Variants in DEPDC5 observed in about 807,000 individuals in gnomAD.
DEPDC5 encodes GATOR1 complex protein DEPDC5.
In DEPDC5, 73 loss-of-function variants were observed where a neutral mutation model predicts 217.3. The observed-to-expected ratio is 0.34, with a 90% confidence interval of 0.28 to 0.41. The LOEUF (loss-of-function observed/expected upper bound fraction) is 0.41. DEPDC5 is among the 10% of genes least tolerant of loss of function. The pLI, the probability that DEPDC5 is intolerant of heterozygous loss-of-function variation, is 1.00. For missense variants in DEPDC5, 1,675 were observed against 2,070.1 expected, an observed-to-expected ratio of 0.81 and a Z score of 3.70; for synonymous variants, 733 against 756.7, an observed-to-expected ratio of 0.97 and a Z score of 0.51.
intron 14 of DEPDC5, among the ~76,000 whole-genome samples, chr22:31,799,826 T>TTTTTG (rs2086675990): frequency 7.1e-6 from 1 of 140,738 alleles, no homozygotes; most frequent in East Asian, 2.1e-4. Flanking sequence ...TTTTTTTTTT[T>TTTTTG]GAGACAGAGT....
intron 10 of DEPDC5, among the ~76,000 whole-genome samples, chr22:31,785,473 A>G (rs902543899): frequency 7.9e-5 from 12 of 152,228 alleles, no homozygotes; most frequent in Admixed American, 6.5e-5. Flanking sequence ...TGAAGACCTA[A>G]GTAAATAGTA....
Position 31,843,641 on chromosome 22 carries a change from G to T in DEPDC5, c.2634-4G>T. 1 of 1,590,306 alleles carries T rather than the reference G, an allele frequency of 6.3e-7. No homozygotes were observed. On this transcript the variant is annotated splice_polypyrimidine_tract_variant and splice_region_variant and intron_variant, in intron 28 of 42. Coordinates refer to ENST00000651528, the MANE Select transcript of DEPDC5 (RefSeq NM_001242896.3). ...AATTTGGGGACCTGCCCTTTATTTT[G>T]CAGGTATCCTTATGAATCTGCCCAG... is the stretch of plus-strand genomic sequence containing the variant.
chr22:31,784,732 A>G (rs2084808136), intron 9 of DEPDC5, 82 bp from the exon 10 acceptor site: 2 of 1,349,820 alleles, frequency 1.5e-6, no homozygotes, highest in Admixed American at 3.7e-5. Flanking sequence ...ATTTACTTAG[A>G]GAAGAAATTA....
At position 31,777,180 on chromosome 22, in the gene DEPDC5, G is replaced by A. The variant is rs186720481; in HGVS notation, c.414-919G>A. 1.1e-4 allele frequency among the ~76,000 whole-genome samples: 16 copies of A among 150,646 alleles called. No individual in the cohort carries two copies. In the East Asian group the frequency reaches 3.2e-3, roughly 30 times the overall value. ...TCGCTGTGTTGGCCAGGGTGGTCTCGAACTCCTGACCTCAGGTGATTCACC... is the reference window on the plus strand; with the variant it reads ...TCGCTGTGTTGGCCAGGGTGGTCTCAAACTCCTGACCTCAGGTGATTCACC... On this transcript the variant is annotated intron_variant, in intron 7 of 42. Coordinates refer to ENST00000651528, the MANE Select transcript of DEPDC5 (RefSeq NM_001242896.3).
At chr22:31,901,154 A>G (rs1195781973) in intron 40 of DEPDC5, among the ~76,000 whole-genome samples, 1 of 151,978 alleles carries the variant, frequency 6.6e-6, no homozygotes, top group Non-Finnish European at 1.5e-5. Context: ...GAGGCATGAG[A>G]ATCACTTGAA....
chr22:31,897,796 A>C, intron 40 of DEPDC5, 143 bp downstream of exon 40: 1 of 960,438 alleles, frequency 1.0e-6, no homozygotes, highest in Non-Finnish European at 1.5e-6. Flanking sequence ...AAGGTTCTAA[A>C]GGATCCTGAT....
intron 27 of DEPDC5, among the ~76,000 whole-genome samples, chr22:31,840,058 G>A (rs1397628658): frequency 1.3e-5 from 2 of 152,274 alleles, no homozygotes; most frequent in African/African-American, 4.8e-5. Flanking sequence ...GCCTGGCTGG[G>A]GAGAGGATTT....
chr22:31,827,251 C>T (rs1173561347), intron 24 of DEPDC5, among the ~76,000 whole-genome samples: 1 of 152,136 alleles, frequency 6.6e-6, no homozygotes, highest in Non-Finnish European at 1.5e-5. Flanking sequence ...CACATGGGAA[C>T]TGAACTCCCA....
At chr22:31,795,970 T>TC (rs1569523308) in intron 12 of DEPDC5, among the ~76,000 whole-genome samples, 1 of 151,920 alleles carries the variant, frequency 6.6e-6, no homozygotes, top group Admixed American at 6.6e-5. Flanking sequence ...CCTCAGGTGA[T>TC]CCCCCCACCT....
At chr22:31,775,012 AT>A (rs200717879) in intron 7 of DEPDC5, among the ~76,000 whole-genome samples, 2,086 of 152,264 alleles carry the variant, frequency 0.014, 14 homozygotes, top group Middle Eastern at 0.031. Flanking sequence ...GCAAAGGAGT[AT>A]GAAAAAGCAT....
At chr22:31,839,256 T>C (rs1282277848) in intron 27 of DEPDC5, among the ~76,000 whole-genome samples, 1 of 152,224 alleles carries the variant, frequency 6.6e-6, no homozygotes, top group African/African-American at 2.4e-5. Context: ...TTTCTTATTC[T>C]GGATTCATCT....
chr22:31,822,751 G>A lies in DEPDC5; in HGVS notation c.2065G>A (p.Glu689Lys), dbSNP rs1206042952. ...GTCCTTCTTGAACTTCAGTGGAACA[G>A]AGGAGCTTTCTGTCGGCCTGCTTAG... is the stretch of plus-strand genomic sequence containing the variant. ...GMSFLNFSGT[E>K]ELSVGLLSNS... Residue 689 changes from glutamate (E) to lysine (K), a missense_variant, in exon 24 of 43, where the codon GAG (glutamate) becomes AAG (lysine). Glu to Lys is a moderately conservative substitution (Grantham distance 56). Around this residue, in one of 11 missense-constraint regions of DEPDC5, gnomAD observed 136 missense variants for 132.2 expected, o/e 1.03. Coordinates refer to ENST00000651528, the MANE Select transcript of DEPDC5 (RefSeq NM_001242896.3). 1 of 1,614,150 alleles carries A rather than the reference G, an allele frequency of 6.2e-7. No homozygotes were observed. The highest frequency in any genetic ancestry group is 8.5e-7 in the Non-Finnish European group (1 of 1,180,004).
Position 31,792,783 on chromosome 22 carries a change from G to A in DEPDC5, c.733G>A (p.Asp245Asn). The A allele has an allele frequency of 6.5e-7, 1 of 1,549,154 alleles. No individual in the cohort carries two copies. The highest frequency in any genetic ancestry group is 8.6e-7 in the Non-Finnish European group (1 of 1,157,824). ...AATAAACCGAGCCTCAATTCGACAGGATCACAAGGGGAGATTCTATGAAGA... is the reference window on the plus strand; with the variant it reads ...AATAAACCGAGCCTCAATTCGACAGAATCACAAGGGGAGATTCTATGAAGA... ...PEINRASIRQDHKGRFYEDFY... is the reference protein window; with the variant it reads ...PEINRASIRQNHKGRFYEDFY... The change falls in exon 12 of 43, where the codon GAT becomes AAT. Residue 245 changes from aspartate to asparagine, a missense_variant. Transcript: ENST00000651528.
At chr22:31,853,865 A>C (rs1480578850) in intron 31 of DEPDC5, among the ~76,000 whole-genome samples, 2 of 152,218 alleles carry the variant, frequency 1.3e-5, no homozygotes, top group Non-Finnish European at 2.9e-5. Flanking sequence ...GTTCTGTCCA[A>C]GGTGGCTCTA....
intron 27 of DEPDC5, among the ~76,000 whole-genome samples, chr22:31,842,146 C>T (rs1012462494): frequency 4.6e-5 from 7 of 152,196 alleles, no homozygotes; most frequent in Non-Finnish European, 8.8e-5. Flanking sequence ...GACAGATATA[C>T]GCACAAGGAA....
At chr22:31,832,834 A>G (rs1000412437) in intron 24 of DEPDC5, among the ~76,000 whole-genome samples, 3 of 152,182 alleles carry the variant, frequency 2.0e-5, no homozygotes, top group Non-Finnish European at 4.4e-5. Flanking sequence ...TGCCAGGTGC[A>G]TGATTTGCAA....
chr22:31,901,945 A>G, intron 41 of DEPDC5, 143 bp downstream of exon 41: 2 of 717,646 alleles, frequency 2.8e-6, no homozygotes, highest in Non-Finnish European at 2.4e-6. Flanking sequence ...TATCTCCAAC[A>G]GGACTCTTTA....
chr22:31,758,508 A>G, intron 2 of DEPDC5, 38 bp from the exon 3 acceptor site: 5 of 1,573,744 alleles, frequency 3.2e-6, no homozygotes, highest in Non-Finnish European at 4.4e-6. Context: ...GTACCTAATG[A>G]GTGTTTTTCT....
intron 26 of DEPDC5, chr22:31,837,356 T>C: frequency 1.6e-6 from 1 of 631,866 alleles, no homozygotes; most frequent in Non-Finnish European, 2.6e-6. Context: ...TTTTTCCTTT[T>C]TTTTTTTTAA....
Sources: gnomAD v4.1 joint callset for allele counts (sites outside exome capture counted in the v4.1 genomes callset) on GRCh38, gnomAD v4.1.1 for gene constraint, gnomAD v4.1.1 regional missense constraint, MANE v1.5 for transcripts, NCBI Gene and HGNC (gene_info 2026-07-23, HGNC 2026-07-21) for gene names.